Variants in JAG1 observed in about 807,000 individuals in gnomAD.
JAG1 encodes the protein jagged canonical Notch ligand 1.
Under a neutral mutation model 148.7 loss-of-function variants are expected in JAG1, and 23 were observed. The observed-to-expected ratio is 0.15, with a 90% CI of 0.11 to 0.22. The LOEUF is 0.22. Among genes scored for constraint, JAG1 ranks in the 10% least tolerant of loss-of-function variants. The probability of loss-of-function intolerance (pLI) is 1.00; values close to 1 mark genes in which losing one functional copy is unlikely to be tolerated. For synonymous variants in JAG1, 572 were observed against 598.3 expected, an observed-to-expected ratio of 0.96 and a Z score of 0.64; for missense variants, 1,054 against 1,611.2, an observed-to-expected ratio of 0.65 and a Z score of 5.92.
intron 5 of JAG1, among the ~76,000 whole-genome samples, chr20:10,654,904 T>C (rs1321949936): frequency 1.3e-5 from 2 of 152,220 alleles, no homozygotes; most frequent in Non-Finnish European, 2.9e-5. Flanking sequence ...CCTCCGCTGA[T>C]ATCCATCTGA....
intron 21 of JAG1, 44 bp downstream of exon 21, chr20:10,642,444 T>C (rs2067279092): frequency 3.5e-6 from 4 of 1,159,070 alleles, no homozygotes; most frequent in Non-Finnish European, 5.2e-6. Context: ...CAAAGCTCGC[T>C]CACCCCAGAA....
intron 14 of JAG1, 86 bp from the exon 15 acceptor site, chr20:10,646,170 C>T (rs1404141193): frequency 1.1e-5 from 10 of 927,102 alleles, no homozygotes; most frequent in Admixed American, 3.6e-5. Flanking sequence ...ATGGCTCCCT[C>T]CTGACACAAT....
At chr20:10,668,023 C>T (rs1189729030) in intron 2 of JAG1, among the ~76,000 whole-genome samples, 1 of 150,084 alleles carries the variant, frequency 6.7e-6, no homozygotes, top group African/African-American at 2.5e-5. Context: ...CCTTTAACTA[C>T]TGGGAGCCAC....
Position 10,639,731 on chromosome 20 carries a change from T to G in JAG1, c.3424A>C (p.Lys1142Gln). 6.2e-7 allele frequency: 1 copy of G among 1,614,204 alleles called. No individual in the cohort carries two copies. Residue 1142 changes from lysine to glutamine, a missense_variant, in exon 26 of 26, where the codon AAG (lysine) becomes CAG (glutamine). By Grantham distance (53) the Lys-to-Gln change is moderately conservative. Coordinates refer to ENST00000254958, the MANE Select transcript of JAG1 (RefSeq NM_000214.3). ...CTTATTTTAGACATTTTGGAGTTCT[T>G]GTTCTCATAATCCTTGATGGGGACC... is the stretch of plus-strand genomic sequence containing the variant. The part of the protein sequence containing the change: ...NTVPIKDYEN[K>Q]NSKMSKIRTH...
rs535528560 is a variant in JAG1 at position 10,639,353 on chromosome 20, A to G, written c.*145T>C. On this transcript the variant is annotated 3_prime_UTR_variant, in exon 26 of 26. Coordinates refer to ENST00000254958, the MANE Select transcript of JAG1 (RefSeq NM_000214.3). ...TTCCCAGCCAACCACAGAAACTACC[A>G]TTGCCAGTGTAAGCCAGCTTGTCAA... 8.5e-5 allele frequency: 69 copies of G among 809,520 alleles called. No homozygotes were observed. The African/African-American group carries it at 1.1e-3, about 13-fold the overall frequency. 50.1% of individuals were successfully genotyped at this position (809,520 alleles called of 1,614,324 possible).
intron 3 of JAG1, among the ~76,000 whole-genome samples, chr20:10,662,751 C>A (rs1056891287): frequency 6.6e-6 from 1 of 152,034 alleles, no homozygotes; most frequent in Non-Finnish European, 1.5e-5. Context: ...CCCACACACA[C>A]CCCCCCACGG....
In JAG1 at chr20:10,638,162, T is replaced by TA. The variant is rs1220736426; in HGVS notation, c.*1335dup. ...GCCTTTTTGATCTTGAACTTCGTAA[T>TA]AGCACTTTGATTTCCTCACTTAAGG... On this transcript the variant is annotated 3_prime_UTR_variant, in exon 26 of 26. Transcript: ENST00000254958. 6.6e-6 allele frequency: 1 copy of TA among 152,656 alleles called. No individual in the cohort carries two copies. The highest frequency in any genetic ancestry group is 2.4e-5 in the African/African-American group (1 of 41,450). The allele number at this position is 152,656 out of a possible 1,614,324, so 9.5% of individuals were successfully genotyped here.
chr20:10,643,666 G>T, intron 20 of JAG1, 112 bp downstream of exon 20: 1 of 829,488 alleles, frequency 1.2e-6, no homozygotes, highest in South Asian at 1.4e-5. Flanking sequence ...TTTGCTCTAT[G>T]AGAGCTACTT....
In JAG1 at chr20:10,648,884, G is replaced by A. The variant is rs1296993637; in HGVS notation, c.1396-162C>T. On this transcript the variant is annotated intron_variant, in intron 11 of 25. Coordinates refer to ENST00000254958, the MANE Select transcript of JAG1 (RefSeq NM_000214.3). ...TGGTTAGAGGAATTTCTATGTGCAT[G>A]CCTTCAAAATGACTCCCACGAGGCT... The A allele has an allele frequency of 5.6e-6, 5 of 889,582 alleles. No individual in the cohort carries two copies. In the East Asian group the frequency reaches 1.3e-4, roughly 23 times the overall value. The allele number at this position is 889,582 out of a possible 1,614,324, so 55.1% of individuals were successfully genotyped here. A position where few individuals can be genotyped will look rare whatever the true frequency, so the allele number is the denominator to read the frequency against.
intron 2 of JAG1, among the ~76,000 whole-genome samples, chr20:10,665,963 C>G (rs79382046): frequency 0.031 from 4,662 of 152,282 alleles, 238 homozygotes; most frequent in African/African-American, 0.11. Context: ...ACCGACATCA[C>G]CCCACCTGGA....
At chr20:10,646,876 G>A (rs1262273060) in intron 14 of JAG1, 63 bp downstream of exon 14, 2 of 1,521,634 alleles carry the variant, frequency 1.3e-6, no homozygotes, top group East Asian at 2.3e-5. Context: ...TGGGCCAGGG[G>A]CAGAGGCAGG....
At position 10,649,114 on chromosome 20, in the gene JAG1, A is replaced by T. The variant is rs554200350; in HGVS notation, c.1349-7T>A. 1.8e-5 allele frequency: 28 copies of T among 1,589,256 alleles called. 1 individual carries two copies. The South Asian group carries it at 2.7e-4, about 15-fold the overall frequency. ...CCAAGGCAGTCATTAATATCTAAAA[A>T]ATAAATAAGTCATCATTTTAAAGAG... On this transcript the variant is annotated splice_polypyrimidine_tract_variant and splice_region_variant and intron_variant, in intron 10 of 25. Coordinates refer to ENST00000254958, the MANE Select transcript of JAG1 (RefSeq NM_000214.3).
intron 11 of JAG1, 137 bp from the exon 12 acceptor site, chr20:10,648,859 T>A: frequency 2.0e-6 from 2 of 982,012 alleles, no homozygotes; most frequent in Non-Finnish European, 3.2e-6. Flanking sequence ...CCTCTGAAAG[T>A]GGTTAGAGGA....
rs1010804507 is a variant in JAG1, at chr20:10,672,628, G to T, written c.387+73C>A. On this transcript the variant is annotated intron_variant, in intron 2 of 25. Transcript: ENST00000254958. The stretch of plus-strand genomic sequence containing the variant: ...AGCCAAAGCCCTTTAAATCCCTCTC[G>T]CAAGGGATAACAGGGCTCGGCCAGG... 2.0e-6 allele frequency: 3 copies of T among 1,467,880 alleles called. No homozygotes were observed. The East Asian group carries it at 6.9e-5, about 34-fold the overall frequency. 90.9% of individuals were successfully genotyped at this position (1,467,880 alleles called of 1,614,324 possible).
chr20:10,652,755 A>G (rs1014798485), intron 5 of JAG1, 157 bp from the exon 6 acceptor site: 3 of 688,304 alleles, frequency 4.4e-6, no homozygotes, highest in Non-Finnish European at 7.3e-6. Context: ...CGTATAAACA[A>G]ACATTTTCAC....
In JAG1 at chr20:10,644,848, G is replaced by C. The variant is rs200139177; in HGVS notation, c.2344+15C>G. The C allele has an allele frequency of 2.1e-4, 329 of 1,576,636 alleles. 2 individuals carry two copies. In the Admixed American group the frequency reaches 4.6e-3, roughly 22 times the overall value. On this transcript the variant is annotated intron_variant, in intron 18 of 25. Coordinates refer to ENST00000254958, the MANE Select transcript of JAG1 (RefSeq NM_000214.3). ...CCGACAGCCCTGGGAGAGTTCAAGG[G>C]GGGAGGACACTCACTCTGAGCACAG... is the stretch of plus-strand genomic sequence containing the variant.
chr20:10,643,655 C>CT (rs1305584594), intron 20 of JAG1, 123 bp downstream of exon 20: 67 of 789,386 alleles, frequency 8.5e-5, no homozygotes, highest in South Asian at 8.0e-4. Context: ...GAGAGAGATC[C>CT]TTTGCTCTAT....
chr20:10,661,666 CATA>C (rs2067418214), intron 3 of JAG1, among the ~76,000 whole-genome samples: 1 of 152,204 alleles, frequency 6.6e-6, no homozygotes, highest in Non-Finnish European at 1.5e-5. Flanking sequence ...GTTGGTTTTT[CATA>C]ATAAGGGTGA....
In JAG1 at chr20:10,653,159, T is replaced by C. The variant is rs749276192; in HGVS notation, c.756-561A>G. Among the ~76,000 whole-genome samples, 131 of 151,824 alleles carry C rather than the reference T, an allele frequency of 8.6e-4. 1 individual carries two copies. Among genetic ancestry groups the C allele is most frequent in the Non-Finnish European group, 7.8e-4 (53 of 67,980 alleles). ...CCTTGGCCAAAGCCAGAGTAGGCTC[T>C]CTAAACCCACTTCTATAGGGAAGGA... On this transcript the variant is annotated intron_variant, in intron 5 of 25. Coordinates refer to ENST00000254958, the MANE Select transcript of JAG1 (RefSeq NM_000214.3).
Sources: gnomAD v4.1 joint callset for allele counts (sites outside exome capture counted in the v4.1 genomes callset) on GRCh38, gnomAD v4.1.1 for gene constraint, MANE v1.5 for transcripts, NCBI Gene and HGNC (gene_info 2026-07-23, HGNC 2026-07-21) for gene names.